The following CABLES1 variants were observed in gnomAD, a reference collection of about 807,000 sequenced individuals.
The protein encoded by CABLES1 is CDK5 and ABL1 enzyme substrate 1.
In CABLES1, 36 loss-of-function variants were observed where a neutral mutation model predicts 57.8. The observed-to-expected ratio is 0.62, with a 90% CI of 0.48 to 0.82. The LOEUF is 0.82. Ranked by LOEUF, CABLES1 falls within the 40% of genes least tolerant of loss-of-function variation. The pLI is 0.00. For synonymous variants in CABLES1, 374 were observed against 363.0 expected, an observed-to-expected ratio of 1.03 and a Z score of -0.35; for missense variants, 767 against 836.6, an observed-to-expected ratio of 0.92 and a Z score of 1.03.
intron 1 of CABLES1, among the ~76,000 whole-genome samples, chr18:23,175,011 A>G (rs905748313): frequency 1.3e-5 from 2 of 151,792 alleles, no homozygotes; most frequent in Non-Finnish European, 2.9e-5. Flanking sequence ...CACCTGCCAC[A>G]TCCGTTAAAT....
rs2047220781 is a variant in CABLES1 at position 23,188,778 on chromosome 18, A to G, written c.846-60A>G. The stretch of plus-strand genomic sequence containing the variant: ...TTTAGGGTAGTTTTAGATTTGCACA[A>G]ATGTCTGATCAGTTCTGCAATGCAG... On this transcript the variant is annotated intron_variant, in intron 1 of 9. Transcript: ENST00000256925. The G allele has an allele frequency of 3.4e-6, 4 of 1,191,534 alleles. No individual in the cohort carries two copies. In the East Asian group the frequency reaches 7.0e-5, roughly 21 times the overall value. 73.8% of individuals were successfully genotyped at this position (1,191,534 alleles called of 1,614,324 possible).
At chr18:23,182,358 TATG>T (rs1261764352) in intron 1 of CABLES1, among the ~76,000 whole-genome samples, 1 of 152,202 alleles carries the variant, frequency 6.6e-6, no homozygotes, top group Non-Finnish European at 1.5e-5. Context: ...GGAGGTTGGT[TATG>T]ATCATTTCCA....
At chr18:23,184,481 T>C (rs1386570228) in intron 1 of CABLES1, among the ~76,000 whole-genome samples, 1 of 152,136 alleles carries the variant, frequency 6.6e-6, no homozygotes, top group African/African-American at 2.4e-5. Flanking sequence ...GGCAGGCGGA[T>C]CACTTGAGAC....
chr18:23,178,752 C>T (rs2047142875), intron 1 of CABLES1, among the ~76,000 whole-genome samples: 1 of 152,102 alleles, frequency 6.6e-6, no homozygotes, highest in Admixed American at 6.5e-5. Flanking sequence ...AACCTCACAC[C>T]TTGATTTTTC....
chr18:23,161,922 CA>C (rs879325669), intron 1 of CABLES1, among the ~76,000 whole-genome samples: 147 of 137,258 alleles, frequency 1.1e-3, no homozygotes, highest in Middle Eastern at 3.6e-3. Flanking sequence ...GACTCCGTCT[CA>C]AAAAAAAAAA....
intron 1 of CABLES1, among the ~76,000 whole-genome samples, chr18:23,184,104 A>G (rs1301114686): frequency 6.6e-6 from 1 of 152,064 alleles, no homozygotes; most frequent in African/African-American, 2.4e-5. Context: ...GTACCACAGG[A>G]TGGTTTCTTT....
chr18:23,251,075 C>T (rs2048025036), intron 7 of CABLES1, among the ~76,000 whole-genome samples: 2 of 152,232 alleles, frequency 1.3e-5, no homozygotes, highest in African/African-American at 2.4e-5. Context: ...CTTTGATGGG[C>T]TTTGCGGGCA....
In CABLES1 at chr18:23,253,165, A is replaced by G. The variant is rs2048081144; in HGVS notation, c.1553+99A>G. ...GTCCAGTGGTCCTTCCTGTGGTTCC[A>G]GTGATTGAGTCATTGTCACATTCAG... On this transcript the variant is annotated intron_variant, in intron 8 of 9. Transcript: ENST00000256925. The G allele has an allele frequency of 1.3e-5, 9 of 697,308 alleles. 1 individual carries two copies. In the East Asian group the frequency reaches 2.4e-4, roughly 19 times the overall value. 43.2% of individuals were successfully genotyped at this position (697,308 alleles called of 1,614,324 possible).
chr18:23,182,025 C>T (rs1367880462), intron 1 of CABLES1, among the ~76,000 whole-genome samples: 1 of 152,140 alleles, frequency 6.6e-6, no homozygotes, highest in Non-Finnish European at 1.5e-5. Context: ...CAGCGTGCAG[C>T]CAGGAAGGGG....
chr18:23,136,673 G>T (rs760772501), intron 1 of CABLES1, 66 bp downstream of exon 1: 19 of 1,083,600 alleles, frequency 1.8e-5, no homozygotes, highest in Non-Finnish European at 2.1e-5. Flanking sequence ...GCCTCCCCGC[G>T]GTCTCTGGGC....
At chr18:23,232,715 CAGGAAGCCTGCTGTGG>C (rs973221360) in intron 4 of CABLES1, among the ~76,000 whole-genome samples, 4 of 152,132 alleles carry the variant, frequency 2.6e-5, no homozygotes, top group African/African-American at 7.2e-5. Context: ...CATGGCCTCC[CAGGAAGCCTGCTGTGG>C]AAATGCAGCA....
In CABLES1 at chr18:23,248,538, T is replaced by TTA. The variant is rs1555671608; in HGVS notation, c.1447-4422_1447-4421insTA. On this transcript the variant is annotated intron_variant, in intron 7 of 9. Coordinates refer to ENST00000256925, the MANE Select transcript of CABLES1 (RefSeq NM_001100619.3). The stretch of plus-strand genomic sequence containing the variant: ...TTTTTTTTTTTTTTTTTTTTTTTTT[T>TTA]AAAAAAAGGCTGGACGTGGTGGCTC... Among the ~76,000 whole-genome samples, 352 of 93,602 alleles carry TTA rather than the reference T, an allele frequency of 3.8e-3. 5 individuals are homozygous for TTA. The highest frequency in any genetic ancestry group is 9.5e-3 in the African/African-American group (276 of 28,952). The allele number at this position is 93,602 out of a possible 152,430, so 61.4% of individuals were successfully genotyped here.
chr18:23,221,238 A>C (rs1173670797), intron 4 of CABLES1, among the ~76,000 whole-genome samples: 1 of 152,240 alleles, frequency 6.6e-6, no homozygotes, highest in Non-Finnish European at 1.5e-5. Context: ...AGAGCTTTCT[A>C]AACTGCTCAT....
At chr18:23,186,812 T>G (rs1164780152) in intron 1 of CABLES1, among the ~76,000 whole-genome samples, 1 of 152,196 alleles carries the variant, frequency 6.6e-6, no homozygotes, top group Non-Finnish European at 1.5e-5. Flanking sequence ...TTCTCCTGTG[T>G]AGAATTACAC....
At position 23,257,528 on chromosome 18, in the gene CABLES1, T is replaced by C; in HGVS notation, c.*161T>C. 1.3e-6 allele frequency: 1 copy of C among 762,652 alleles called. No homozygotes were observed. Among genetic ancestry groups the C allele is most frequent in the Non-Finnish European group, 2.0e-6 (1 of 506,290 alleles). The allele number at this position is 762,652 out of a possible 1,614,324, so 47.2% of individuals were successfully genotyped here. On this transcript the variant is annotated 3_prime_UTR_variant, in exon 10 of 10. Transcript: ENST00000256925. ...AGTACTAGAAACTTTCCAAGGAGTC[T>C]TGGGTGTGTAGCCAAGAGGAGCCAT...
At chr18:23,216,831 G>T (rs919997902) in intron 4 of CABLES1, among the ~76,000 whole-genome samples, 1 of 152,152 alleles carries the variant, frequency 6.6e-6, no homozygotes, top group Admixed American at 6.6e-5. Flanking sequence ...TTGGTGCTAG[G>T]AAACAGTGTC....
intron 1 of CABLES1, among the ~76,000 whole-genome samples, chr18:23,166,290 C>A (rs1470227939): frequency 6.6e-6 from 1 of 152,024 alleles, no homozygotes; most frequent in Non-Finnish European, 1.5e-5. Flanking sequence ...CAACCTCCGC[C>A]TCTTGGGTTC....
chr18:23,186,548 C>T (rs1286993448), intron 1 of CABLES1, among the ~76,000 whole-genome samples: 2 of 151,982 alleles, frequency 1.3e-5, no homozygotes, highest in African/African-American at 2.4e-5. Flanking sequence ...GCCTCAGCCT[C>T]CCGAGTAGCT....
chr18:23,213,050 C>T (rs537569655), intron 3 of CABLES1, among the ~76,000 whole-genome samples: 1 of 152,186 alleles, frequency 6.6e-6, no homozygotes, highest in South Asian at 2.1e-4. Flanking sequence ...GACACAGGGC[C>T]TGGTTTGCCG....
Sources: gnomAD v4.1 joint callset for allele counts (sites outside exome capture counted in the v4.1 genomes callset) on GRCh38, gnomAD v4.1.1 for gene constraint, MANE v1.5 for transcripts, NCBI Gene and HGNC (gene_info 2026-07-23, HGNC 2026-07-21) for gene names.